Variants in C9 observed in about 807,000 individuals in gnomAD.
C9 encodes the protein complement C9.
C9 carries 63 observed loss-of-function variants against 65.4 expected under a neutral mutation model. The ratio of observed to expected loss-of-function variants is 0.96; its 90% CI spans 0.79 to 1.19. The LOEUF is 1.19. C9 is among the 50% of genes most tolerant of loss of function. The probability of loss-of-function intolerance (pLI) is 0.00; values close to 1 mark genes in which losing one functional copy is unlikely to be tolerated. For missense variants in C9, 744 were observed against 670.1 expected (o/e 1.11, Z -1.22); for synonymous variants, 229 against 227.9 (o/e 1.00, Z -0.04).
At chr5:39,335,707 G>A (rs1447250723) in intron 4 of C9, among the ~76,000 whole-genome samples, 1 of 152,178 alleles carries the variant, frequency 6.6e-6, no homozygotes, top group African/African-American at 2.4e-5. Context: ...TGGGTAGAAA[G>A]GGAGGATTGT....
intron 5 of C9, among the ~76,000 whole-genome samples, chr5:39,327,173 T>A (rs2111919972): frequency 6.6e-6 from 1 of 152,232 alleles, no homozygotes; most frequent in East Asian, 1.9e-4. Context: ...AAAAATCAGA[T>A]CAGGGATCAC....
At chr5:39,304,422 G>T (rs1028079235) in intron 9 of C9, among the ~76,000 whole-genome samples, 1 of 152,130 alleles carries the variant, frequency 6.6e-6, no homozygotes, top group Non-Finnish European at 1.5e-5. Context: ...TCCTGAAAAT[G>T]AATTAGTGAT....
intron 1 of C9, among the ~76,000 whole-genome samples, chr5:39,350,111 C>T (rs1754295150): frequency 6.6e-6 from 1 of 152,140 alleles, no homozygotes; most frequent in Admixed American, 6.5e-5. Flanking sequence ...CAGAAACTTA[C>T]AATCATGTCA....
intron 7 of C9, among the ~76,000 whole-genome samples, chr5:39,309,566 T>C (rs1275040410): frequency 1.3e-5 from 2 of 152,118 alleles, no homozygotes; most frequent in Non-Finnish European, 2.9e-5. Context: ...TCTAACCTTA[T>C]CCTTAAGAAG....
At chr5:39,319,268 T>C (rs1185348496) in intron 5 of C9, among the ~76,000 whole-genome samples, 1 of 152,232 alleles carries the variant, frequency 6.6e-6, no homozygotes, top group Admixed American at 6.5e-5. Context: ...ACCACTTCTT[T>C]TATAATTACT....
chr5:39,290,672 C>A (rs550732767), intron 9 of C9, among the ~76,000 whole-genome samples: 2 of 151,820 alleles, frequency 1.3e-5, no homozygotes, highest in South Asian at 4.2e-4. Flanking sequence ...GATCTAAGAT[C>A]TGGGAGGAGG....
At chr5:39,310,987 A>T in intron 7 of C9, 150 bp downstream of exon 7, 2 of 822,680 alleles carry the variant, frequency 2.4e-6, no homozygotes, top group South Asian at 1.5e-5. Context: ...ACAGGGTTTT[A>T]GGTGCCAAAG....
At position 39,308,230 on chromosome 5, in the gene C9, C is replaced by A. The variant is rs151018817; in HGVS notation, c.1240G>T (p.Val414Leu). 1 of 1,612,972 alleles carries A rather than the reference C, an allele frequency of 6.2e-7. No homozygotes were observed. The highest frequency in any genetic ancestry group is 1.3e-5 in the African/African-American group (1 of 74,872). The change falls in exon 8 of 11, where the codon GTA (valine) becomes TTA (leucine). Residue 414 changes from valine to leucine, a missense_variant and splice_region_variant. Physicochemically the swap from Val to Leu is conservative, Grantham distance 32. Coordinates refer to ENST00000263408, the MANE Select transcript of C9 (RefSeq NM_001737.5). Reference sequence around the variant, plus strand: ...ATCTAACAAGTGAGGCCACACTTACCAGCTCTACCCTCTCCCCTCTTTACA... The same window carrying A: ...ATCTAACAAGTGAGGCCACACTTACAAGCTCTACCCTCTCCCCTCTTTACA... ...DCVKRGEGRA[V>L]NITSENLIDD...
intron 9 of C9, among the ~76,000 whole-genome samples, chr5:39,296,229 C>A (rs143901096): frequency 6.6e-6 from 1 of 151,278 alleles, no homozygotes; most frequent in Non-Finnish European, 1.5e-5. Context: ...ACAATCAACA[C>A]GTGACCTGCA....
rs763129394 is a variant in C9, at chr5:39,311,379, T to C, written c.871-2A>G. 12 of 1,611,502 alleles carry C rather than the reference T, an allele frequency of 7.4e-6. No homozygotes were observed. The highest frequency in any genetic ancestry group is 9.3e-6 in the Non-Finnish European group (11 of 1,178,906). On this transcript the variant is annotated splice_acceptor_variant, in intron 6 of 10. Coordinates refer to ENST00000263408, the MANE Select transcript of C9 (RefSeq NM_001737.5). LOFTEE classifies it high-confidence loss of function. ...TTTCACATGCAGAAACATTTTTTCC[T>C]GTGTTGTAGAGCAGATGAAGAAGAG...
At chr5:39,361,001 C>T (rs758608037) in intron 1 of C9, among the ~76,000 whole-genome samples, 1 of 151,550 alleles carries the variant, frequency 6.6e-6, no homozygotes, top group African/African-American at 2.4e-5. Flanking sequence ...ATTTCTAGTG[C>T]GAAAGATTGG....
At chr5:39,341,122 A>T (rs1398363296) in intron 4 of C9, 24 bp downstream of exon 4, 2 of 1,613,326 alleles carry the variant, frequency 1.2e-6, no homozygotes, top group African/African-American at 2.7e-5. Flanking sequence ...TTTTCATCTG[A>T]AAAAGTACAA....
rs912325597 is a variant in C9 at position 39,338,786 on chromosome 5, G to A, written c.476+2360C>T. On this transcript the variant is annotated intron_variant, in intron 4 of 10. Coordinates refer to ENST00000263408, the MANE Select transcript of C9 (RefSeq NM_001737.5). ...ACACCAACCCTGACTGTGGTAAAGC[G>A]TGAGGTATTTAAGAATTCCTAGCTA... Among the ~76,000 whole-genome samples, 8 of 152,166 alleles carry A rather than the reference G, an allele frequency of 5.3e-5. No individual in the cohort carries two copies. The East Asian group carries it at 9.6e-4, about 18-fold the overall frequency.
chr5:39,321,859 T>C (rs1298709773), intron 5 of C9, among the ~76,000 whole-genome samples: 1 of 152,048 alleles, frequency 6.6e-6, no homozygotes, highest in Non-Finnish European at 1.5e-5. Context: ...ATAAAGTAAA[T>C]GTTAATAGAT....
chr5:39,307,258 G>A (rs1203370737), intron 8 of C9, among the ~76,000 whole-genome samples: 3 of 152,198 alleles, frequency 2.0e-5, no homozygotes, highest in South Asian at 2.1e-4. Flanking sequence ...CCTACCCATC[G>A]TTTCCCTCAG....
chr5:39,350,994 G>A (rs1754312096), intron 1 of C9, among the ~76,000 whole-genome samples: 1 of 152,188 alleles, frequency 6.6e-6, no homozygotes, highest in African/African-American at 2.4e-5. Flanking sequence ...ACTTCTGCCT[G>A]GACATCCAGG....
At chr5:39,311,102 A>C in intron 7 of C9, 35 bp downstream of exon 7, 1 of 1,608,796 alleles carries the variant, frequency 6.2e-7, no homozygotes, top group Non-Finnish European at 8.5e-7. Flanking sequence ...TGGTCAAAAC[A>C]GTATTTGAAG....
intron 4 of C9, among the ~76,000 whole-genome samples, chr5:39,338,421 A>G (rs1340372276): frequency 6.6e-6 from 1 of 152,148 alleles, no homozygotes; most frequent in African/African-American, 2.4e-5. Flanking sequence ...AAATGGCCTT[A>G]TTTATTTCAC....
chr5:39,288,025 A>C (rs1753022894), intron 10 of C9, among the ~76,000 whole-genome samples: 1 of 152,046 alleles, frequency 6.6e-6, no homozygotes, highest in Non-Finnish European at 1.5e-5. Flanking sequence ...TTAACTTAAA[A>C]ATACAATACA....
Sources: gnomAD v4.1 joint callset for allele counts (sites outside exome capture counted in the v4.1 genomes callset) on GRCh38, gnomAD v4.1.1 for gene constraint, MANE v1.5 for transcripts, NCBI Gene and HGNC (gene_info 2026-07-23, HGNC 2026-07-21) for gene names.